The following SAP130 variants were observed in gnomAD, a reference collection of about 807,000 sequenced individuals.
SAP130 encodes the protein histone deacetylase complex subunit SAP130.
Under a neutral mutation model 103.2 loss-of-function variants are expected in SAP130, and 16 were observed. The observed-to-expected ratio is 0.16, with a 90% CI of 0.10 to 0.24. The LOEUF is 0.24. Among genes scored for constraint, SAP130 ranks in the 10% least tolerant of loss-of-function variants. SAP130 has a pLI of 1.00. For missense variants in SAP130, 990 were observed against 1,359.7 expected (o/e 0.73, Z 4.28); for synonymous variants, 477 against 497.0 (o/e 0.96, Z 0.53).
chr2:128,017,721 T>C lies in SAP130; in HGVS notation c.307A>G (p.Thr103Ala). 1 of 1,614,192 alleles carries C rather than the reference T, an allele frequency of 6.2e-7. No homozygotes were observed. Among genetic ancestry groups the C allele is most frequent in the African/African-American group, 1.3e-5 (1 of 75,042 alleles). The change falls in exon 3 of 21, where the codon ACG becomes GCG. Residue 103 changes from threonine to alanine, a missense_variant. By Grantham distance (58) the Thr-to-Ala change is moderately conservative. This residue lies in a region of SAP130 where 167 missense variants were observed against 187.4 expected (regional missense o/e 0.89). Transcript: ENST00000643581. ...GAAAATGAAAGTGGCACTGCTGGCG[T>C]CAGGTGTGCTGGCGGGGCTGTCACT... ...VAVTAPPAHL[T>A]PAVPLSFSEG...
intron 15 of SAP130, among the ~76,000 whole-genome samples, chr2:127,975,880 T>C (rs911523839): frequency 1.3e-5 from 2 of 152,174 alleles, no homozygotes; most frequent in Non-Finnish European, 2.9e-5. Flanking sequence ...TCCACGACAC[T>C]GTCACCCAGG....
At chr2:127,948,622 G>A (rs751096639) in intron 18 of SAP130, among the ~76,000 whole-genome samples, 2 of 151,990 alleles carry the variant, frequency 1.3e-5, no homozygotes, top group African/African-American at 4.8e-5. Context: ...GATTACAGGC[G>A]TGAATCACCG....
At position 127,996,303 on chromosome 2, in the gene SAP130, C is replaced by A; in HGVS notation, c.1355+47G>T. On this transcript the variant is annotated intron_variant, in intron 11 of 20. Coordinates refer to ENST00000643581, the MANE Select transcript of SAP130 (RefSeq NM_001330301.2). This position sits in a 1 kb window ranked among gnomAD's most constrained non-coding sequence, Gnocchi z 4.3. Reference sequence around the variant, plus strand: ...TTTGTTTTATGCTGATAAAGCAGAACGATTAATGACACAGTGAGGCAGAAT... The same window carrying A: ...TTTGTTTTATGCTGATAAAGCAGAAAGATTAATGACACAGTGAGGCAGAAT... 2 of 1,487,178 alleles carry A rather than the reference C, an allele frequency of 1.3e-6. No individual in the cohort carries two copies. The highest frequency in any genetic ancestry group is 1.4e-5 in the South Asian group (1 of 71,946). 92.1% of individuals were successfully genotyped at this position (1,487,178 alleles called of 1,614,324 possible).
At chr2:127,959,109 C>T (rs945155529) in intron 15 of SAP130, among the ~76,000 whole-genome samples, 7 of 152,096 alleles carry the variant, frequency 4.6e-5, no homozygotes, top group African/African-American at 1.4e-4. Flanking sequence ...AAACCAAGCA[C>T]AACGAGCTGC....
intron 7 of SAP130, 79 bp downstream of exon 7, chr2:128,010,190 T>C: frequency 6.8e-7 from 1 of 1,468,892 alleles, no homozygotes; most frequent in Non-Finnish European, 9.2e-7. Context: ...AAATATTTAC[T>C]TAAATGAAGG....
rs975723403 is a variant in SAP130 at position 128,000,360 on chromosome 2, G to A, written c.964C>T (p.Pro322Ser). Residue 322 changes from proline (P) to serine (S), a missense_variant, in exon 8 of 21, where the codon CCA becomes TCA. Pro to Ser is a moderately conservative substitution (Grantham distance 74). This residue lies in a region of SAP130 where 336 missense variants were observed against 520.1 expected (regional missense o/e 0.65). Coordinates refer to ENST00000643581, the MANE Select transcript of SAP130 (RefSeq NM_001330301.2). ...GGCGTCCCTAATGCAGGGTGAGATG[G>A]TAGTGTGATTCTTGTTGTGACATCT... ...SRDVTTRITLPSHPALGTPKQ... is the reference protein window; with the variant it reads ...SRDVTTRITLSSHPALGTPKQ... 5.0e-6 allele frequency: 8 copies of A among 1,614,096 alleles called. No individual in the cohort carries two copies. The highest frequency in any genetic ancestry group is 1.7e-6 in the Non-Finnish European group (2 of 1,180,034).
chr2:128,026,300 TGTAGTACATACA>T lies in SAP130; in HGVS notation c.-6-14_-6-3del. On this transcript the variant is annotated splice_polypyrimidine_tract_variant and splice_region_variant and intron_variant, in intron 1 of 20. Transcript: ENST00000643581. ...AAACTGTTGAGAACTCATTTCCACC[TGTAGTACATACA>T]GTTATATGGTTATTACTAGATTCTG... The T allele has an allele frequency of 6.3e-7, 1 of 1,594,000 alleles. No individual in the cohort carries two copies. The highest frequency in any genetic ancestry group is 2.2e-5 in the East Asian group (1 of 44,770).
chr2:127,965,029 G>A (rs1362208625), intron 15 of SAP130, among the ~76,000 whole-genome samples: 2 of 147,816 alleles, frequency 1.4e-5, no homozygotes, highest in Non-Finnish European at 3.0e-5. Flanking sequence ...GGGTGTGGTG[G>A]CTCATGCCTG....
At chr2:127,976,893 C>CTG (rs1458198792) in intron 15 of SAP130, among the ~76,000 whole-genome samples, 2 of 152,092 alleles carry the variant, frequency 1.3e-5, no homozygotes, top group Admixed American at 1.3e-4. Flanking sequence ...GAGCAAGACT[C>CTG]TGTCTCAAAA....
Position 127,989,462 on chromosome 2 carries a change from T to A in SAP130, c.1780+102A>T. Reference sequence around the variant, plus strand: ...TTATTAATACAAAGAAGAAAAGGCCTAGAGAAATTATAAGACGACAAAGCC... The same window carrying A: ...TTATTAATACAAAGAAGAAAAGGCCAAGAGAAATTATAAGACGACAAAGCC... On this transcript the variant is annotated intron_variant, in intron 13 of 20. Coordinates refer to ENST00000643581, the MANE Select transcript of SAP130 (RefSeq NM_001330301.2). The surrounding 1 kb of genome is among the most constrained non-coding windows in gnomAD (Gnocchi z 4.6). 1.9e-6 allele frequency: 2 copies of A among 1,064,488 alleles called. No individual in the cohort carries two copies. Among genetic ancestry groups the A allele is most frequent in the Non-Finnish European group, 2.7e-6 (2 of 741,066 alleles). 65.9% of individuals were successfully genotyped at this position (1,064,488 alleles called of 1,614,324 possible). A position where few individuals can be genotyped will look rare whatever the true frequency, so the allele number is the denominator to read the frequency against.
At chr2:127,947,176 G>A (rs1277379596) in intron 18 of SAP130, among the ~76,000 whole-genome samples, 1 of 151,882 alleles carries the variant, frequency 6.6e-6, no homozygotes, top group Non-Finnish European at 1.5e-5. Context: ...AGACAAGGAA[G>A]GATTCTCCTC....
At chr2:128,003,141 C>G (rs756481848) in intron 7 of SAP130, among the ~76,000 whole-genome samples, 2 of 151,528 alleles carry the variant, frequency 1.3e-5, no homozygotes, top group Non-Finnish European at 2.9e-5. Flanking sequence ...AAAAAAGACA[C>G]TTGAGCCAGC....
intron 19 of SAP130, among the ~76,000 whole-genome samples, chr2:127,945,084 T>A (rs1394441117): frequency 1.3e-5 from 2 of 151,966 alleles, no homozygotes; most frequent in Non-Finnish European, 2.9e-5. Context: ...CCCTGTGGTA[T>A]GAAGGGTTGT....
intron 16 of SAP130, among the ~76,000 whole-genome samples, chr2:127,951,538 C>T (rs1003933650): frequency 6.6e-6 from 1 of 152,152 alleles, no homozygotes; most frequent in Non-Finnish European, 1.5e-5. Flanking sequence ...CCTGTTCATC[C>T]GACCATGTTC....
intron 1 of SAP130, chr2:128,027,332 T>C (rs1190564169): frequency 1.9e-5 from 22 of 1,148,266 alleles, no homozygotes; most frequent in Non-Finnish European, 2.2e-5. Context: ...GCCCGCCCAT[T>C]GGCCCCACGC....
intron 2 of SAP130, among the ~76,000 whole-genome samples, chr2:128,024,480 G>A (rs965836007): frequency 1.3e-5 from 2 of 152,072 alleles, no homozygotes; most frequent in African/African-American, 4.8e-5. Flanking sequence ...TTGGGAGGCT[G>A]AGAACGGAGG....
intron 7 of SAP130, among the ~76,000 whole-genome samples, chr2:128,000,852 T>C (rs1286378240): frequency 6.6e-6 from 1 of 152,166 alleles, no homozygotes; most frequent in Non-Finnish European, 1.5e-5. Context: ...CAGTGAGCGA[T>C]GACTGCCACT....
chr2:128,012,545 A>G (rs577170634), intron 6 of SAP130, among the ~76,000 whole-genome samples: 17 of 152,168 alleles, frequency 1.1e-4, no homozygotes, highest in Non-Finnish European at 1.8e-4. Flanking sequence ...TCCATATCCT[A>G]GAGAACCCAA....
At chr2:127,980,951 C>T (rs967653650) in intron 14 of SAP130, among the ~76,000 whole-genome samples, 1 of 151,790 alleles carries the variant, frequency 6.6e-6, no homozygotes, top group African/African-American at 2.4e-5. Context: ...TACATAAAAC[C>T]GAGTGATGAA....
Sources: allele counts gnomAD v4.1 joint callset (sites outside exome capture counted in the v4.1 genomes callset), GRCh38; gene constraint gnomAD v4.1.1; regional missense constraint gnomAD v4.1.1; non-coding constraint Gnocchi (gnomAD v3.1); transcripts MANE v1.5; gene names NCBI Gene and HGNC (gene_info 2026-07-23, HGNC 2026-07-21).